The following CDYL2 variants were observed in gnomAD, a reference collection of about 807,000 sequenced individuals.
The protein encoded by CDYL2 is chromodomain Y like 2, also known as chromodomain Y-like protein 2.
A neutral mutation model predicts 49.4 loss-of-function variants in CDYL2; 23 were observed. That is an observed-to-expected ratio of 0.47 (90% CI 0.34 to 0.66). The LOEUF (loss-of-function observed/expected upper bound fraction) is 0.66. Among genes scored for constraint, CDYL2 ranks in the 30% least tolerant of loss-of-function variants. CDYL2 has a pLI of 0.01. For missense variants in CDYL2, 678 were observed against 656.4 expected (o/e 1.03, Z -0.36); for synonymous variants, 360 against 268.8 (o/e 1.34, Z -3.32).
intron 1 of CDYL2, among the ~76,000 whole-genome samples, chr16:80,698,759 G>T (rs192290231): frequency 1.3e-5 from 2 of 152,040 alleles, no homozygotes; most frequent in African/African-American, 4.8e-5. Flanking sequence ...TGCCATGATT[G>T]TAAGTTTCCT....
chr16:80,632,690 C>T (rs1174239182), intron 3 of CDYL2: 5 of 305,184 alleles, frequency 1.6e-5, no homozygotes, highest in Non-Finnish European at 3.1e-5. Flanking sequence ...ATGCTGATGA[C>T]AACAAAGTTT....
chr16:80,764,821 G>T (rs1265937602), intron 1 of CDYL2, among the ~76,000 whole-genome samples: 1 of 152,018 alleles, frequency 6.6e-6, no homozygotes, highest in African/African-American at 2.4e-5. Flanking sequence ...AGCACTTTGT[G>T]AGGCCGAGGC....
chr16:80,632,340 T>G (rs1056342427), intron 3 of CDYL2, among the ~76,000 whole-genome samples: 1 of 152,152 alleles, frequency 6.6e-6, no homozygotes, highest in East Asian at 1.9e-4. Flanking sequence ...ACGTTTCCAT[T>G]GATACAAACT....
chr16:80,653,876 G>C (rs1191948155), intron 2 of CDYL2, among the ~76,000 whole-genome samples: 1 of 152,172 alleles, frequency 6.6e-6, no homozygotes, highest in African/African-American at 2.4e-5. Flanking sequence ...TGAAAAATCA[G>C]GCTGCTCCAG....
intron 3 of CDYL2, among the ~76,000 whole-genome samples, chr16:80,629,287 G>T (rs1166300493): frequency 6.6e-6 from 1 of 152,170 alleles, no homozygotes; most frequent in Non-Finnish European, 1.5e-5. Flanking sequence ...CTTATGAGAC[G>T]GCTAATTACA....
chr16:80,773,938 C>A (rs966522204), intron 1 of CDYL2, among the ~76,000 whole-genome samples: 1 of 151,936 alleles, frequency 6.6e-6, no homozygotes, highest in Non-Finnish European at 1.5e-5. Context: ...TTTAGTTCTA[C>A]AAACAGATAG....
chr16:80,684,635 C>T lies in CDYL2; in HGVS notation c.519G>A (p.Gly173=), dbSNP rs1187286171. 6.2e-7 allele frequency: 1 copy of T among 1,614,080 alleles called. No homozygotes were observed. Among genetic ancestry groups the T allele is most frequent in the African/African-American group, 1.3e-5 (1 of 74,916 alleles). Residue 173 remains glycine, a synonymous_variant, in exon 2 of 7, where the codon GGG becomes GGA. Coordinates refer to ENST00000570137, the MANE Select transcript of CDYL2 (RefSeq NM_152342.4). The part of the protein sequence containing the change: ...SEKDERHFGN[G]SHQPGLDLND... The stretch of plus-strand genomic sequence containing the variant: ...TCAAATCCAAGCCAGGCTGATGGGA[C>T]CCATTTCCAAAGTGCCTCTCATCCT...
intron 1 of CDYL2, among the ~76,000 whole-genome samples, chr16:80,747,285 G>T (rs1905964645): frequency 6.6e-6 from 1 of 152,138 alleles, no homozygotes; most frequent in South Asian, 2.1e-4. Flanking sequence ...AAGAGTCTGG[G>T]TTCAAATCCC....
intron 2 of CDYL2, among the ~76,000 whole-genome samples, chr16:80,677,041 G>C (rs968192978): frequency 1.8e-4 from 25 of 135,970 alleles, no homozygotes; most frequent in Non-Finnish European, 2.3e-4. Context: ...CACAATCACA[G>C]CTCACTGCAG....
chr16:80,701,743 G>T (rs148225307), intron 1 of CDYL2, among the ~76,000 whole-genome samples: 1 of 152,250 alleles, frequency 6.6e-6, no homozygotes, highest in South Asian at 2.1e-4. Flanking sequence ...TAAATGTAAC[G>T]CAGTTTACAA....
In CDYL2 at chr16:80,667,777, G is replaced by A. The variant is rs558134068; in HGVS notation, c.616+16761C>T. 6.6e-5 allele frequency among the ~76,000 whole-genome samples: 10 copies of A among 152,336 alleles called. No homozygotes were observed. The South Asian group carries it at 1.9e-3, about 28-fold the overall frequency. ...TTTATCAAATGTCTACCACAAGCCA[G>A]CGAATATGTTAAGGGCTTCCTATAA... On this transcript the variant is annotated intron_variant, in intron 2 of 6. Transcript: ENST00000570137.
intron 2 of CDYL2, among the ~76,000 whole-genome samples, chr16:80,682,457 G>A (rs66633157): frequency 6.6e-6 from 1 of 152,172 alleles, no homozygotes; most frequent in Non-Finnish European, 1.5e-5. Context: ...AAAGCCGAAG[G>A]GTGAAGAGCA....
At chr16:80,667,158 G>A (rs72806165) in intron 2 of CDYL2, among the ~76,000 whole-genome samples, 3,211 of 152,298 alleles carry the variant, frequency 0.021, 43 homozygotes, top group Middle Eastern at 0.034. Flanking sequence ...TACTACTCAC[G>A]TGAGGGCTCA....
At chr16:80,744,220 G>C (rs1905849290) in intron 1 of CDYL2, among the ~76,000 whole-genome samples, 1 of 152,098 alleles carries the variant, frequency 6.6e-6, no homozygotes. Context: ...AGGAGCCCTG[G>C]GGAACACACG....
chr16:80,632,172 GAACA>G (rs1567548244), intron 3 of CDYL2, among the ~76,000 whole-genome samples: 1 of 151,770 alleles, frequency 6.6e-6, no homozygotes, highest in African/African-American at 2.4e-5. Context: ...GCCAAAAGTC[GAACA>G]AATAGAAAAG....
chr16:80,711,912 A>G (rs566917885), intron 1 of CDYL2, among the ~76,000 whole-genome samples: 27 of 151,724 alleles, frequency 1.8e-4, no homozygotes, highest in African/African-American at 6.5e-4. Flanking sequence ...TGAATTATCC[A>G]TTATCCAACC....
intron 2 of CDYL2, among the ~76,000 whole-genome samples, chr16:80,656,719 G>A (rs553442543): frequency 2.0e-5 from 3 of 152,172 alleles, no homozygotes; most frequent in Non-Finnish European, 4.4e-5. Context: ...TACAAAAGGA[G>A]AGAGTCAATA....
At position 80,632,936 on chromosome 16, in the gene CDYL2, A is replaced by C. The variant is rs531788796; in HGVS notation, c.834+83T>G. The stretch of plus-strand genomic sequence containing the variant: ...TTACCATCCTCAGCTCCCTGATGGA[A>C]GGAAGGAGAAAGCCAATATTCCATT... On this transcript the variant is annotated intron_variant, in intron 3 of 6. Coordinates refer to ENST00000570137, the MANE Select transcript of CDYL2 (RefSeq NM_152342.4). 4.5e-4 allele frequency: 610 copies of C among 1,361,144 alleles called. 5 individuals carry two copies. The South Asian group carries it at 7.2e-3, about 16-fold the overall frequency. The allele number at this position is 1,361,144 out of a possible 1,614,324, so 84.3% of individuals were successfully genotyped here.
At chr16:80,654,824 G>C (rs933220936) in intron 2 of CDYL2, among the ~76,000 whole-genome samples, 1 of 152,232 alleles carries the variant, frequency 6.6e-6, no homozygotes, top group Non-Finnish European at 1.5e-5. Context: ...CAAACATCAA[G>C]ATGCAGCTCC....
Sources: allele counts gnomAD v4.1 joint callset (sites outside exome capture counted in the v4.1 genomes callset), GRCh38; gene constraint gnomAD v4.1.1; transcripts MANE v1.5; gene names NCBI Gene and HGNC (gene_info 2026-07-23, HGNC 2026-07-21).